The following HDAC9 variants were observed in gnomAD, a reference collection of about 807,000 sequenced individuals.
HDAC9 encodes the protein histone deacetylase 9.
Under a neutral mutation model 139.4 loss-of-function variants are expected in HDAC9, and 41 were observed. The ratio of observed to expected loss-of-function variants is 0.29; its 90% CI spans 0.23 to 0.38. The LOEUF is 0.38. Ranked by LOEUF, HDAC9 falls within the 10% of genes least tolerant of loss-of-function variation. HDAC9 has a pLI of 1.00. For synonymous variants in HDAC9, 517 were observed against 476.2 expected (o/e 1.09, Z -1.12); for missense variants, 1,147 against 1,297.0 (o/e 0.88, Z 1.78).
chr7:18,819,822 G>C (rs1794831783), intron 17 of HDAC9, among the ~76,000 whole-genome samples: 1 of 152,128 alleles, frequency 6.6e-6, no homozygotes, highest in Admixed American at 6.5e-5. Flanking sequence ...TTACAAATCA[G>C]TTTATTAAAA....
At chr7:18,753,658 C>G (rs1336243113) in intron 14 of HDAC9, among the ~76,000 whole-genome samples, 1 of 152,228 alleles carries the variant, frequency 6.6e-6, no homozygotes, top group Middle Eastern at 3.4e-3. Flanking sequence ...ATCCACAACT[C>G]AAACTTTTGG....
intron 2 of HDAC9, among the ~76,000 whole-genome samples, chr7:18,244,219 C>G (rs998777774): frequency 6.6e-6 from 1 of 152,000 alleles, no homozygotes; most frequent in Non-Finnish European, 1.5e-5. Flanking sequence ...GGATGGGATT[C>G]TTTTTATGCA....
At chr7:18,774,650 T>C (rs775960818) in intron 16 of HDAC9, among the ~76,000 whole-genome samples, 2 of 152,086 alleles carry the variant, frequency 1.3e-5, no homozygotes, top group Non-Finnish European at 2.9e-5. Context: ...AGGGTTTTGC[T>C]TCAATATTGA....
At chr7:18,737,625 A>T (rs1787047516) in intron 13 of HDAC9, among the ~76,000 whole-genome samples, 2 of 152,190 alleles carry the variant, frequency 1.3e-5, no homozygotes, top group South Asian at 4.1e-4. Context: ...TCTGACAAAC[A>T]GTTTATTGTG....
chr7:18,713,474 T>C (rs1784488950), intron 12 of HDAC9, among the ~76,000 whole-genome samples: 1 of 152,174 alleles, frequency 6.6e-6, no homozygotes, highest in Non-Finnish European at 1.5e-5. Context: ...TATTCCGCAA[T>C]GTATACACAG....
intron 6 of HDAC9, among the ~76,000 whole-genome samples, chr7:18,625,946 C>CAAAA (rs11312304): frequency 9.8e-5 from 6 of 60,940 alleles, no homozygotes; most frequent in African/African-American, 2.5e-4. Flanking sequence ...GACTCCATCT[C>CAAAA]AAAAAAAAAA....
At chr7:18,154,621 C>T (rs1345905241) in intron 1 of HDAC9, among the ~76,000 whole-genome samples, 1 of 152,178 alleles carries the variant, frequency 6.6e-6, no homozygotes, top group Non-Finnish European at 1.5e-5. Context: ...TAATTGACTT[C>T]CAGACCGCCT....
chr7:18,664,607 T>C (rs1309512353), intron 11 of HDAC9, among the ~76,000 whole-genome samples: 3 of 152,068 alleles, frequency 2.0e-5, no homozygotes, highest in Non-Finnish European at 4.4e-5. Context: ...CTACCAGAAA[T>C]GCTCCCCACC....
chr7:18,291,519 T>A (rs1585027526), intron 1 of HDAC9, among the ~76,000 whole-genome samples: 1 of 152,196 alleles, frequency 6.6e-6, no homozygotes, highest in Non-Finnish European at 1.5e-5. Context: ...GCTCACTGTT[T>A]GTTAGCCCTA....
At chr7:18,994,942 A>G (rs996286744) in intron 25 of HDAC9, among the ~76,000 whole-genome samples, 13 of 152,220 alleles carry the variant, frequency 8.5e-5, no homozygotes, top group Non-Finnish European at 1.9e-4. Context: ...AGAGAGAAGC[A>G]TCATCCAAAT....
intron 23 of HDAC9, among the ~76,000 whole-genome samples, chr7:18,943,738 T>C (rs1398426901): frequency 6.6e-6 from 1 of 152,128 alleles, no homozygotes; most frequent in Non-Finnish European, 1.5e-5. Context: ...CAATATCTCA[T>C]GTGAGCTGAT....
rs192307877 is a variant in HDAC9 at position 18,882,336 on chromosome 7, A to G, written c.2803+7740A>G. Among the ~76,000 whole-genome samples, 162 of 152,208 alleles carry G rather than the reference A, an allele frequency of 1.1e-3. 1 individual carries two copies. The highest frequency in any genetic ancestry group is 1.8e-3 in the Non-Finnish European group (123 of 67,978). The stretch of plus-strand genomic sequence containing the variant: ...TGCTTCTGACAATGGACACTTGTTT[A>G]ATATTTCCCTTTAATAGGAATTGTA... On this transcript the variant is annotated intron_variant, in intron 22 of 25. Transcript: ENST00000686413.
chr7:18,501,346 T>C (rs1303904476), intron 2 of HDAC9, among the ~76,000 whole-genome samples: 1 of 152,028 alleles, frequency 6.6e-6, no homozygotes, highest in African/African-American at 2.4e-5. Flanking sequence ...TATCCTTCCC[T>C]TTCTGAGCAG....
intron 22 of HDAC9, among the ~76,000 whole-genome samples, chr7:18,911,294 G>A (rs1802717481): frequency 6.6e-6 from 1 of 151,632 alleles, no homozygotes; most frequent in African/African-American, 2.4e-5. Context: ...CAGTTGTAAT[G>A]TCTTGTTGTT....
chr7:18,359,678 A>G (rs1783621331), intron 1 of HDAC9, among the ~76,000 whole-genome samples: 1 of 152,070 alleles, frequency 6.6e-6, no homozygotes, highest in Non-Finnish European at 1.5e-5. Flanking sequence ...GCACACTCTC[A>G]GCTCACTGTA....
At chr7:18,897,068 T>C (rs1801266713) in intron 22 of HDAC9, among the ~76,000 whole-genome samples, 1 of 152,062 alleles carries the variant, frequency 6.6e-6, no homozygotes, top group African/African-American at 2.4e-5. Flanking sequence ...TCATTTTTTC[T>C]AGTTTAAAAC....
intron 19 of HDAC9, among the ~76,000 whole-genome samples, chr7:18,835,038 G>A (rs1796133430): frequency 6.6e-6 from 1 of 152,162 alleles, no homozygotes; most frequent in African/African-American, 2.4e-5. Context: ...AGTTAATTAA[G>A]CCTGAGGGGT....
chr7:18,234,794 T>C (rs1254738177), intron 2 of HDAC9, among the ~76,000 whole-genome samples: 2 of 152,208 alleles, frequency 1.3e-5, no homozygotes, highest in African/African-American at 4.8e-5. Flanking sequence ...AGAAGTAAGT[T>C]TGAAGGCCAA....
At chr7:18,449,823 T>C (rs1256744427) in intron 1 of HDAC9, among the ~76,000 whole-genome samples, 1 of 152,174 alleles carries the variant, frequency 6.6e-6, no homozygotes, top group Non-Finnish European at 1.5e-5. Flanking sequence ...TTAAGTTTAC[T>C]AATTATCTGT....
Sources: gnomAD v4.1 joint callset for allele counts (sites outside exome capture counted in the v4.1 genomes callset) on GRCh38, gnomAD v4.1.1 for gene constraint, MANE v1.5 for transcripts, NCBI Gene and HGNC (gene_info 2026-07-23, HGNC 2026-07-21) for gene names.